The following SI variants were observed in gnomAD, a reference collection of about 807,000 sequenced individuals.
The protein encoded by SI is sucrase-isomaltase, intestinal.
SI carries 235 observed loss-of-function variants against 253.3 expected under a neutral mutation model. That is an observed-to-expected ratio of 0.93 (90% CI 0.83 to 1.03). SI has a LOEUF of 1.03. Ranked by LOEUF, SI falls within the 50% of genes least tolerant of loss-of-function variation. The pLI is 0.00. For synonymous variants in SI, 819 were observed against 712.0 expected, an observed-to-expected ratio of 1.15 and a Z score of -2.39; for missense variants, 2,442 against 2,211.1, an observed-to-expected ratio of 1.10 and a Z score of -2.09.
At chr3:164,984,735 C>T (rs537049307) in intron 45 of SI, among the ~76,000 whole-genome samples, 21 of 151,856 alleles carry the variant, frequency 1.4e-4, no homozygotes, top group Non-Finnish European at 2.2e-4. Flanking sequence ...TTTGATTTAC[C>T]TTTAATTATT....
intron 9 of SI, 35 bp downstream of exon 9, chr3:165,062,336 C>CAGAAAAAATTTT (rs1714027355): frequency 9.6e-7 from 1 of 1,042,768 alleles, no homozygotes; most frequent in African/African-American, 1.6e-5. Context: ...TAAAAGTATG[C>CAGAAAAAATTTT]AGAAAAAATT....
intron 37 of SI, among the ~76,000 whole-genome samples, chr3:164,999,023 A>G (rs556429790): frequency 1.6e-4 from 25 of 151,968 alleles, no homozygotes; most frequent in African/African-American, 3.1e-4. Context: ...ATAAAGGCTT[A>G]TGCTCTAACT....
chr3:164,982,378 A>T lies in SI; in HGVS notation c.5280T>A (p.Gly1760=). ...TTLTSTILKR[G]YINKSETRLG... The stretch of plus-strand genomic sequence containing the variant: ...GCCTCGTTTCACTTTTATTTATGTA[A>T]CCTCTCTTCAATATAGTGCTTGTTA... The change falls in exon 47 of 48, where the codon GGT becomes GGA. Residue 1760 remains glycine, a synonymous_variant. Transcript: ENST00000264382. 1 of 1,612,186 alleles carries T rather than the reference A, an allele frequency of 6.2e-7. No individual in the cohort carries two copies. Among genetic ancestry groups the T allele is most frequent in the Non-Finnish European group, 8.5e-7 (1 of 1,178,702 alleles).
At chr3:165,062,505 CTT>C in intron 8 of SI, 22 bp from the exon 9 acceptor site, 1 of 1,208,326 alleles carries the variant, frequency 8.3e-7, no homozygotes, top group Non-Finnish European at 1.2e-6. Context: ...AATTGGTAAA[CTT>C]ATATGTAAAT....
At chr3:164,985,899 G>T in intron 45 of SI, among the ~76,000 whole-genome samples, 1 of 152,208 alleles carries the variant, frequency 6.6e-6, no homozygotes, top group East Asian at 1.9e-4. Flanking sequence ...AGGTGTTTCT[G>T]ATAACAACGG....
chr3:165,068,548 T>A (rs1018175052), intron 5 of SI, among the ~76,000 whole-genome samples, 174 bp downstream of exon 5: 1 of 152,188 alleles, frequency 6.6e-6, no homozygotes, highest in Non-Finnish European at 1.5e-5. Context: ...TAATTTTTCG[T>A]ATTTTTAATA....
At position 164,991,442 on chromosome 3, in the gene SI, T is replaced by C. The variant is rs1301692662; in HGVS notation, c.5019A>G (p.Thr1673=). The C allele has an allele frequency of 1.2e-6, 2 of 1,613,470 alleles. No homozygotes were observed. The highest frequency in any genetic ancestry group is 1.7e-6 in the Non-Finnish European group (2 of 1,179,550). Residue 1673 remains threonine, a synonymous_variant, in exon 44 of 48, where the codon ACA becomes ACG. Coordinates refer to ENST00000264382, the MANE Select transcript of SI (RefSeq NM_001041.4). ...KDIGVRGQFQ[T]FNASYDTINL... ...TTATTGTGTCATAAGAAGCATTAAA[T>C]GTTTGAAATTGTCCTCTGACGCCAA...
chr3:164,979,626 G>A (rs1717084607), intron 47 of SI, among the ~76,000 whole-genome samples, 196 bp from the exon 48 acceptor site: 1 of 151,462 alleles, frequency 6.6e-6, no homozygotes, highest in African/African-American at 2.4e-5. Flanking sequence ...TTTACCTAAG[G>A]TTAAAATAAA....
In SI at chr3:165,033,388, T is replaced by G; in HGVS notation, c.2565+7A>C. 6.4e-7 allele frequency: 1 copy of G among 1,554,994 alleles called. No homozygotes were observed. Among genetic ancestry groups the G allele is most frequent in the Non-Finnish European group, 8.7e-7 (1 of 1,147,042 alleles). Reference sequence around the variant, plus strand: ...CATTTAAGTATATGTACAAAGAGAGTGCTTACATTAGAAACTGAAAATGTA... The same window carrying G: ...CATTTAAGTATATGTACAAAGAGAGGGCTTACATTAGAAACTGAAAATGTA... On this transcript the variant is annotated splice_region_variant and intron_variant, in intron 23 of 47. Transcript: ENST00000264382.
At chr3:165,042,261 A>C in intron 17 of SI, among the ~76,000 whole-genome samples, 1 of 152,050 alleles carries the variant, frequency 6.6e-6, no homozygotes, top group Non-Finnish European at 1.5e-5. Flanking sequence ...ACTAATCTCC[A>C]ATTTGTACCT....
intron 25 of SI, among the ~76,000 whole-genome samples, chr3:165,029,579 T>C (rs998570622): frequency 2.1e-5 from 3 of 145,750 alleles, no homozygotes; most frequent in African/African-American, 7.4e-5. Context: ...TGTATATATA[T>C]ACATATATAT....
chr3:165,003,236 AT>A lies in SI; in HGVS notation c.4406+3579del, dbSNP rs544511466. Among the ~76,000 whole-genome samples, 668 of 151,242 alleles carry A rather than the reference AT, an allele frequency of 4.4e-3. 3 individuals carry two copies. Among genetic ancestry groups the A allele is most frequent in the African/African-American group, 0.015 (638 of 41,270 alleles). Reference sequence around the variant, plus strand: ...TATTTCCTGTCTTCTGTGGAGAGGAATTTTTTTTTCAATTTTTGTTAAGCTA... The same window carrying A: ...TATTTCCTGTCTTCTGTGGAGAGGAATTTTTTTTCAATTTTTGTTAAGCTA... On this transcript the variant is annotated intron_variant, in intron 37 of 47. Coordinates refer to ENST00000264382, the MANE Select transcript of SI (RefSeq NM_001041.4).
At chr3:165,011,265 C>T (rs1032622079) in intron 34 of SI, among the ~76,000 whole-genome samples, 2 of 151,976 alleles carry the variant, frequency 1.3e-5, no homozygotes, top group South Asian at 4.1e-4. Flanking sequence ...TCTCTTAGTA[C>T]TGCTTTTGCT....
chr3:165,073,614 C>A (rs1243990757), intron 3 of SI, among the ~76,000 whole-genome samples: 1 of 151,912 alleles, frequency 6.6e-6, no homozygotes, highest in South Asian at 2.1e-4. Context: ...AATTGCATAT[C>A]ATATTTGCAA....
At chr3:164,997,062 G>T (rs1225132738) in intron 38 of SI, among the ~76,000 whole-genome samples, 1 of 151,716 alleles carries the variant, frequency 6.6e-6, no homozygotes, top group African/African-American at 2.4e-5. Context: ...AGTGTGAGAA[G>T]AAAGTGGTGT....
chr3:164,979,033 AATTTT>A lies in SI; in HGVS notation c.*324_*328del, dbSNP rs1028288108. ...AATATAGTATATATAATTACATAAAAATTTTATTTAATTTAAAAATCACGTTTAAA... is the reference window on the plus strand; with the variant it reads ...AATATAGTATATATAATTACATAAAAATTTAATTTAAAAATCACGTTTAAA... On this transcript the variant is annotated 3_prime_UTR_variant, in exon 48 of 48. Transcript: ENST00000264382. 6 of 168,912 alleles carry A rather than the reference AATTTT, an allele frequency of 3.6e-5. No individual in the cohort carries two copies. Among genetic ancestry groups the A allele is most frequent in the East Asian group, 1.5e-4 (1 of 6,628 alleles). The allele number at this position is 168,912 out of a possible 1,614,324, so 10.5% of individuals were successfully genotyped here. A position where few individuals can be genotyped will look rare whatever the true frequency, so the allele number is the denominator to read the frequency against.
intron 45 of SI, among the ~76,000 whole-genome samples, chr3:164,983,735 A>G (rs1442178742): frequency 6.6e-6 from 1 of 151,944 alleles, no homozygotes; most frequent in Non-Finnish European, 1.5e-5. Flanking sequence ...AACTACAGGC[A>G]TGCACTACCA....
At chr3:165,012,889 GA>G in intron 34 of SI, 90 bp downstream of exon 34, 1 of 851,144 alleles carries the variant, frequency 1.2e-6, no homozygotes, top group Non-Finnish European at 2.0e-6. Flanking sequence ...TATTTTTAAA[GA>G]AAAGCATTCA....
intron 3 of SI, among the ~76,000 whole-genome samples, chr3:165,072,436 C>T (rs559099633): frequency 2.2e-4 from 34 of 151,694 alleles, no homozygotes; most frequent in African/African-American, 7.0e-4. Flanking sequence ...AACAAAAAAC[C>T]CTGAGTGACA....
Sources: allele counts gnomAD v4.1 joint callset (sites outside exome capture counted in the v4.1 genomes callset), GRCh38; gene constraint gnomAD v4.1.1; transcripts MANE v1.5; gene names NCBI Gene and HGNC (gene_info 2026-07-23, HGNC 2026-07-21).